Variants in AK9 observed in about 807,000 individuals in gnomAD.
AK9 encodes adenylate kinase domain containing 1.
AK9 carries 191 observed loss-of-function variants against 239.6 expected under a neutral mutation model. The observed-to-expected ratio is 0.80, with a 90% CI of 0.71 to 0.90. The LOEUF is 0.90. Among genes scored for constraint, AK9 ranks in the 40% least tolerant of loss-of-function variants. AK9 has a pLI of 0.00. For synonymous variants in AK9, 689 were observed against 721.0 expected (o/e 0.96, Z 0.71); for missense variants, 1,995 against 2,214.7 (o/e 0.90, Z 1.99).
intron 24 of AK9, among the ~76,000 whole-genome samples, chr6:109,551,879 T>A (rs569208669): frequency 2.0e-4 from 31 of 152,040 alleles, no homozygotes; most frequent in African/African-American, 7.0e-4. Context: ...CGTTCCTTCC[T>A]CTTAACCCCA....
chr6:109,683,358 T>C (rs1024022193), intron 1 of AK9, among the ~76,000 whole-genome samples: 3 of 152,156 alleles, frequency 2.0e-5, no homozygotes, highest in African/African-American at 7.2e-5. Context: ...ATGCCCACTC[T>C]CACCACTCCT....
At chr6:109,517,372 T>C (rs1417978664) in intron 29 of AK9, among the ~76,000 whole-genome samples, 1 of 152,186 alleles carries the variant, frequency 6.6e-6, no homozygotes, top group African/African-American at 2.4e-5. Flanking sequence ...AGTGGTCCCA[T>C]AAATAAATAC....
At chr6:109,595,915 G>A (rs1007562620) in intron 17 of AK9, among the ~76,000 whole-genome samples, 4 of 151,982 alleles carry the variant, frequency 2.6e-5, no homozygotes, top group African/African-American at 9.7e-5. Context: ...ATGGGTTGAT[G>A]GGTGCAGCAA....
rs148159523 is a variant in AK9, at chr6:109,506,944, C to T, written c.4482-144G>A. On this transcript the variant is annotated intron_variant, in intron 33 of 40. Transcript: ENST00000424296. ...TCAATTTATTTTCTTCACACTTTGC[C>T]CTCTTCATCTCTACATCTTTAATCT... 8.5e-5 allele frequency: 109 copies of T among 1,289,426 alleles called. 1 individual carries two copies. Among genetic ancestry groups the T allele is most frequent in the Non-Finnish European group, 7.5e-5 (74 of 984,376 alleles). 79.9% of individuals were successfully genotyped at this position (1,289,426 alleles called of 1,614,324 possible). A position where few individuals can be genotyped will look rare whatever the true frequency, so the allele number is the denominator to read the frequency against.
intron 17 of AK9, among the ~76,000 whole-genome samples, chr6:109,595,694 C>T (rs1583172614): frequency 6.6e-6 from 1 of 152,128 alleles, no homozygotes; most frequent in East Asian, 1.9e-4. Context: ...AGTTCATGTC[C>T]TTTGCAGTGA....
rs1796193049 is a variant in AK9, at chr6:109,632,516, GGGA to G, written c.1254+404_1254+406del. On this transcript the variant is annotated intron_variant, in intron 12 of 40. Coordinates refer to ENST00000424296, the MANE Select transcript of AK9 (RefSeq NM_001145128.3). ...TTACTGAGGGAGGTGTCAAGGTGTTGGGAGGATCATCTTTGTAATACTGAAATC... is the reference window on the plus strand; with the variant it reads ...TTACTGAGGGAGGTGTCAAGGTGTTGGGATCATCTTTGTAATACTGAAATC... 4 of 242,356 alleles carry G rather than the reference GGGA, an allele frequency of 1.7e-5. No individual in the cohort carries two copies. The South Asian group carries it at 5.7e-4, about 34-fold the overall frequency. The allele number at this position is 242,356 out of a possible 1,614,324, so 15.0% of individuals were successfully genotyped here.
intron 17 of AK9, 28 bp downstream of exon 17, chr6:109,610,337 A>G (rs1793423494): frequency 1.9e-6 from 3 of 1,547,512 alleles, no homozygotes; most frequent in African/African-American, 1.4e-5. Context: ...TAAGTCACTG[A>G]TAAGAATTGC....
At chr6:109,649,341 C>A (rs1798571470) in intron 8 of AK9, among the ~76,000 whole-genome samples, 1 of 151,936 alleles carries the variant, frequency 6.6e-6, no homozygotes, top group Non-Finnish European at 1.5e-5. Context: ...ATCTAGAAAA[C>A]CCCATCGTCT....
At chr6:109,628,979 C>T (rs1337207505) in intron 12 of AK9, among the ~76,000 whole-genome samples, 1 of 152,060 alleles carries the variant, frequency 6.6e-6, no homozygotes, top group Non-Finnish European at 1.5e-5. Context: ...AATTATCAAT[C>T]TTAAAAAATT....
intron 33 of AK9, 124 bp downstream of exon 33, chr6:109,509,055 G>T: frequency 9.6e-7 from 1 of 1,036,612 alleles, no homozygotes; most frequent in Non-Finnish European, 1.4e-6. Context: ...CCCAGAGTTT[G>T]AGAGAAGTAG....
At chr6:109,595,793 T>C (rs1239189808) in intron 17 of AK9, among the ~76,000 whole-genome samples, 1 of 151,398 alleles carries the variant, frequency 6.6e-6, no homozygotes, top group East Asian at 1.9e-4. Context: ...TAAGTGGGAG[T>C]TGAACTATGA....
At chr6:109,532,722 T>G (rs1156766946) in intron 28 of AK9, among the ~76,000 whole-genome samples, 1 of 152,216 alleles carries the variant, frequency 6.6e-6, no homozygotes, top group Non-Finnish European at 1.5e-5. Flanking sequence ...CACATATAAC[T>G]TTTTATGTGG....
Position 109,495,443 on chromosome 6 carries a change from A to G in AK9, c.5316-3T>C. On this transcript the variant is annotated splice_polypyrimidine_tract_variant and splice_region_variant and intron_variant, in intron 38 of 40. Coordinates refer to ENST00000424296, the MANE Select transcript of AK9 (RefSeq NM_001145128.3). ...GTTCCCAGTATTTCAGTGGCGACCTAAGAACACAAAGTTCATTAGATGGAT... is the reference window on the plus strand; with the variant it reads ...GTTCCCAGTATTTCAGTGGCGACCTGAGAACACAAAGTTCATTAGATGGAT... 6.2e-7 allele frequency: 1 copy of G among 1,607,668 alleles called. No individual in the cohort carries two copies. Among genetic ancestry groups the G allele is most frequent in the Non-Finnish European group, 8.5e-7 (1 of 1,175,640 alleles).
chr6:109,531,315 T>G (rs1435087986), intron 28 of AK9, among the ~76,000 whole-genome samples: 2 of 152,028 alleles, frequency 1.3e-5, no homozygotes, highest in African/African-American at 4.8e-5. Context: ...AGCGCTGGTG[T>G]CAGCCAAGAA....
chr6:109,542,015 A>G (rs750363596), intron 27 of AK9, 32 bp downstream of exon 27: 72 of 1,480,008 alleles, frequency 4.9e-5, no homozygotes, highest in Non-Finnish European at 6.3e-5. Context: ...ATAAAAGCAA[A>G]TAAATGTACA....
intron 24 of AK9, 94 bp from the exon 25 acceptor site, chr6:109,550,396 C>T: frequency 8.8e-7 from 1 of 1,130,078 alleles, no homozygotes; most frequent in African/African-American, 1.6e-5. Flanking sequence ...AATATTTAAT[C>T]TGTAGCAACT....
intron 29 of AK9, among the ~76,000 whole-genome samples, chr6:109,519,194 C>T (rs1161492653): frequency 6.6e-6 from 1 of 152,174 alleles, no homozygotes; most frequent in Non-Finnish European, 1.5e-5. Flanking sequence ...ATATGTAGCA[C>T]ATTTCCTTTA....
At chr6:109,679,062 G>GT (rs1271880967) in intron 1 of AK9, among the ~76,000 whole-genome samples, 1 of 152,138 alleles carries the variant, frequency 6.6e-6, no homozygotes, top group Non-Finnish European at 1.5e-5. Context: ...AGCTGCAGGA[G>GT]TTTTTTTCAT....
intron 17 of AK9, among the ~76,000 whole-genome samples, chr6:109,595,120 G>A (rs1790841073): frequency 6.6e-6 from 1 of 152,056 alleles, no homozygotes; most frequent in Admixed American, 6.5e-5. Context: ...TCTGACAAAG[G>A]GCTAATATCC....
Sources: allele counts gnomAD v4.1 joint callset (sites outside exome capture counted in the v4.1 genomes callset), GRCh38; gene constraint gnomAD v4.1.1; transcripts MANE v1.5; gene names NCBI Gene and HGNC (gene_info 2026-07-23, HGNC 2026-07-21).